The following POM121L2 variants were observed in gnomAD, a reference collection of about 807,000 sequenced individuals.
POM121L2 encodes the protein POM121-like protein 2.
For missense variants in POM121L2, 1,167 were observed against 1,260.3 expected (o/e 0.93, Z 1.12); for synonymous variants, 459 against 483.8 (o/e 0.95, Z 0.67).
chr6:27,310,820 G>T lies in POM121L2; in HGVS notation c.1351C>A (p.Leu451Ile). ...PTPPGCSQSELLPGTSPDSKP... is the reference protein window; with the variant it reads ...PTPPGCSQSEILPGTSPDSKP... ...GAGTCTGGAGAGGTGCCTGGAAGGA[G>T]CTCTGACTGTGAGCACCCAGGTGGG... Residue 451 changes from leucine (L) to isoleucine (I), a missense_variant, in exon 1 of 1, where the codon CTC (leucine) becomes ATC (isoleucine). Leu to Ile is a conservative substitution (Grantham distance 5). Coordinates refer to ENST00000444565, the MANE Select transcript of POM121L2 (RefSeq NM_033482.4). 4.5e-6 allele frequency: 7 copies of T among 1,551,736 alleles called. No homozygotes were observed. The highest frequency in any genetic ancestry group is 6.1e-6 in the Non-Finnish European group (7 of 1,146,994).
At position 27,309,631 on chromosome 6, in the gene POM121L2, C is replaced by A. The variant is rs1421349446; in HGVS notation, c.2540G>T (p.Gly847Val). The change falls in exon 1 of 1, where the codon GGC (glycine) becomes GTC (valine). Residue 847 changes from glycine to valine, a missense_variant. Gly to Val is a moderately radical substitution (Grantham distance 109, BLOSUM62 -3). Transcript: ENST00000444565. ...AAAACCTGCTGGAATGCCGCCAATG[C>A]CTGACCAGGTGCTGGCAGGGGTTTG... ...TSQTPASTWS[G>V]IGGIPAGFPI... The A allele has an allele frequency of 6.4e-7, 1 of 1,551,776 alleles. No homozygotes were observed. Among genetic ancestry groups the A allele is most frequent in the South Asian group, 1.2e-5 (1 of 84,060 alleles).
Position 27,311,883 on chromosome 6 carries a change from C to G in POM121L2, c.288G>C (p.Trp96Cys). Residue 96 changes from tryptophan to cysteine, a missense_variant, in exon 1 of 1, where the codon TGG becomes TGC. By Grantham distance (215) the Trp-to-Cys change is radical (BLOSUM62 -2). Coordinates refer to ENST00000444565, the MANE Select transcript of POM121L2 (RefSeq NM_033482.4). ...NSPLGPLPSD[W>C]WESYLKRTIW... ...TAGTCCGCTTTAAGTAACTTTCCCA[C>G]CAGTCTGAAGGGAGAGGCCCCAGGG... is the stretch of plus-strand genomic sequence containing the variant. 1 of 1,551,760 alleles carries G rather than the reference C, an allele frequency of 6.4e-7. No individual in the cohort carries two copies. The highest frequency in any genetic ancestry group is 1.2e-5 in the South Asian group (1 of 84,066).
Position 27,309,384 on chromosome 6 carries a change from A to T in POM121L2, c.2787T>A (p.Thr929=). 1 of 1,551,638 alleles carries T rather than the reference A, an allele frequency of 6.4e-7. No homozygotes were observed. Among genetic ancestry groups the T allele is most frequent in the South Asian group, 1.2e-5 (1 of 84,046 alleles). Residue 929 remains threonine (T), a synonymous_variant, in exon 1 of 1, where the codon ACT becomes ACA. Transcript: ENST00000444565. ...FSIGALPSGT[T]NTMIPFGKGW... Reference sequence around the variant, plus strand: ...CTTTTCCAAAGGGGATCATGGTGTTAGTGGTCCCACTAGGCAATGCTCCAA... The same window carrying T: ...CTTTTCCAAAGGGGATCATGGTGTTTGTGGTCCCACTAGGCAATGCTCCAA...
At position 27,310,991 on chromosome 6, in the gene POM121L2, C is replaced by T. The variant is rs1204645664; in HGVS notation, c.1180G>A (p.Glu394Lys). ...PSLSLALPSS[E>K]TDLTQGANPQ... ...TTTGCTCCCTGGGTTAGATCTGTTTCTGAAGAAGGCAGAGCAAGAGACAAG... is the reference window on the plus strand; with the variant it reads ...TTTGCTCCCTGGGTTAGATCTGTTTTTGAAGAAGGCAGAGCAAGAGACAAG... Residue 394 changes from glutamate (E) to lysine (K), a missense_variant, in exon 1 of 1, where the codon GAA becomes AAA. Coordinates refer to ENST00000444565, the MANE Select transcript of POM121L2 (RefSeq NM_033482.4). 2.6e-6 allele frequency: 4 copies of T among 1,551,714 alleles called. No individual in the cohort carries two copies. In the African/African-American group the frequency reaches 4.1e-5, roughly 16 times the overall value.
Position 27,312,111 on chromosome 6 carries a change from G to A in POM121L2, c.60C>T (p.Thr20=), listed in dbSNP as rs560846739. 5.3e-5 allele frequency: 78 copies of A among 1,473,146 alleles called. No individual in the cohort carries two copies. Among genetic ancestry groups the A allele is most frequent in the Admixed American group, 7.6e-5 (3 of 39,282 alleles). 91.3% of individuals were successfully genotyped at this position (1,473,146 alleles called of 1,614,324 possible). The change falls in exon 1 of 1, where the codon ACC becomes ACT. Residue 20 remains threonine (T), a synonymous_variant. Transcript: ENST00000444565. The surrounding 1 kb of genome is among the most constrained non-coding windows in gnomAD (Gnocchi z 6.7). ...GTTTCGTGGGCCTCTCGGGCAAGTC[G>A]GTGCGCACCTGGGCTGGGGACGAGG... The part of the protein sequence containing the change: ...LSPSSPAQVR[T]DLPERPTKRR...
Position 27,310,670 on chromosome 6 carries a change from G to A in POM121L2, c.1501C>T (p.Pro501Ser), listed in dbSNP as rs967149428. ...RSPMPPDPPA[P>S]PTIQSTLLGM... ...AGCAAAGTACTTTGGATGGTGGGTG[G>A]TGCAGGTGGGTCTGGGGGCATGGGA... The change falls in exon 1 of 1, where the codon CCA becomes TCA. Residue 501 changes from proline to serine, a missense_variant. Physicochemically the swap from Pro to Ser is moderately conservative, Grantham distance 74. Coordinates refer to ENST00000444565, the MANE Select transcript of POM121L2 (RefSeq NM_033482.4). 2 of 1,551,834 alleles carry A rather than the reference G, an allele frequency of 1.3e-6. No individual in the cohort carries two copies. The highest frequency in any genetic ancestry group is 2.7e-5 in the African/African-American group (2 of 73,038).
Position 27,309,747 on chromosome 6 carries a change from C to G in POM121L2, c.2424G>C (p.Leu808Phe). The G allele has an allele frequency of 1.9e-6, 3 of 1,551,670 alleles. No homozygotes were observed. The highest frequency in any genetic ancestry group is 2.6e-6 in the Non-Finnish European group (3 of 1,146,988). The change falls in exon 1 of 1, where the codon TTG (leucine) becomes TTC (phenylalanine). Residue 808 changes from leucine (L) to phenylalanine (F), a missense_variant. Coordinates refer to ENST00000444565, the MANE Select transcript of POM121L2 (RefSeq NM_033482.4). ...GAGCTGGAGTTGGCATGGGGGTTGGCAATGCCACTGCTGAGCTCCCAAAAA... is the reference window on the plus strand; with the variant it reads ...GAGCTGGAGTTGGCATGGGGGTTGGGAATGCCACTGCTGAGCTCCCAAAAA... ...SFLFGSSAVA[L>F]PTPMPTPAQP...
chr6:27,311,316 T>C lies in POM121L2; in HGVS notation c.855A>G (p.Pro285=), dbSNP rs61736096. 19,796 of 1,551,648 alleles carry C rather than the reference T, an allele frequency of 0.013. 148 individuals carry two copies. The highest frequency in any genetic ancestry group is 0.015 in the Non-Finnish European group (16,689 of 1,147,018). Residue 285 remains proline (P), a synonymous_variant, in exon 1 of 1, where the codon CCA becomes CCG. Coordinates refer to ENST00000444565, the MANE Select transcript of POM121L2 (RefSeq NM_033482.4). ...GATGACAACTTTTTTCCTTTTTTATTGGCCACTCTGGTGTCTCGAATGATA... is the reference window on the plus strand; with the variant it reads ...GATGACAACTTTTTTCCTTTTTTATCGGCCACTCTGGTGTCTCGAATGATA... ...PSVSFETPEW[P]IKKEKSCHRP...
In POM121L2 at chr6:27,310,276, G is replaced by T; in HGVS notation, c.1895C>A (p.Ser632Tyr). The change falls in exon 1 of 1, where the codon TCT becomes TAT. Residue 632 changes from serine (S) to tyrosine (Y), a missense_variant. Coordinates refer to ENST00000444565, the MANE Select transcript of POM121L2 (RefSeq NM_033482.4). Reference sequence around the variant, plus strand: ...AGGTGGCTTAAAAACAGAGTCTTTAGATGTGCTGGCTAGGGTGGTGGACAT... The same window carrying T: ...AGGTGGCTTAAAAACAGAGTCTTTATATGTGCTGGCTAGGGTGGTGGACAT... ...VVMSTTLASTSKDSVFKPPLD... is the reference protein window; with the variant it reads ...VVMSTTLASTYKDSVFKPPLD... 1 of 1,552,392 alleles carries T rather than the reference G, an allele frequency of 6.4e-7. No homozygotes were observed. Among genetic ancestry groups the T allele is most frequent in the Non-Finnish European group, 8.7e-7 (1 of 1,147,142 alleles).
chr6:27,309,873 T>C lies in POM121L2; in HGVS notation c.2298A>G (p.Leu766=). 6.4e-7 allele frequency: 1 copy of C among 1,551,694 alleles called. No individual in the cohort carries two copies. The highest frequency in any genetic ancestry group is 1.2e-5 in the South Asian group (1 of 84,064). ...CAGGCTGGGGATTAGCTCCTTGGGATAGTGGGAAAGGTGGCCTTGAGCTTG... is the reference window on the plus strand; with the variant it reads ...CAGGCTGGGGATTAGCTCCTTGGGACAGTGGGAAAGGTGGCCTTGAGCTTG... ...LGSSSRPPFP[L]SQGANPQPAF... Residue 766 remains leucine, a synonymous_variant, in exon 1 of 1, where the codon CTA becomes CTG. Transcript: ENST00000444565.
Position 27,311,591 on chromosome 6 carries a change from A to G in POM121L2, c.580T>C (p.Ser194Pro). 1 of 1,551,736 alleles carries G rather than the reference A, an allele frequency of 6.4e-7. No individual in the cohort carries two copies. Residue 194 changes from serine to proline, a missense_variant, in exon 1 of 1, where the codon TCG (serine) becomes CCG (proline). Transcript: ENST00000444565. ...SKRRSPETRP[S>P]AFKPLMKNGT... is the part of the protein sequence containing the mutation. Reference sequence around the variant, plus strand: ...TTTTTCATCAGGGGCTTAAATGCCGATGGTCTGGTCTCTGGACTCCTTCTC... The same window carrying G: ...TTTTTCATCAGGGGCTTAAATGCCGGTGGTCTGGTCTCTGGACTCCTTCTC...
chr6:27,309,107 G>T lies in POM121L2; in HGVS notation c.3064C>A (p.Arg1022=), dbSNP rs537319522. The T allele has an allele frequency of 6.4e-7, 1 of 1,551,830 alleles. No individual in the cohort carries two copies. The highest frequency in any genetic ancestry group is 2.4e-5 in the East Asian group (1 of 40,916). The change falls in exon 1 of 1, where the codon CGG becomes AGG. Residue 1022 remains arginine, a synonymous_variant. Transcript: ENST00000444565. ...TGCCTTCGGGAATGCCCTTTCTCCC[G>T]ATTCTTTGGGGTTTTTGATTTTGCG... ...IGAKSKTPKN[R]EKGHSRRHHA... is the part of the protein sequence containing the mutation.
intron 1 of POM121L2, chr6:27,309,670 G>C (rs1760716966): frequency 6.4e-7 from 1 of 1,551,742 alleles, no homozygotes; most frequent in East Asian, 2.4e-5. Context: ...GGTGGAGGCT[G>C]AGGGTGTCAA....
Position 27,309,685 on chromosome 6 carries a change from C to A in POM121L2, c.2486G>T (p.Gly829Val). The A allele has an allele frequency of 1.9e-6, 3 of 1,551,680 alleles. No homozygotes were observed. The highest frequency in any genetic ancestry group is 2.6e-6 in the Non-Finnish European group (3 of 1,147,010). ...GGTGGAGGCTGAGGGTGTCAAACAC[C>A]CCAAGGCTGACTGTGTGGTACTAAT... ...AFISTTQSAL[G>V]CLTPSASTSQ... The change falls in exon 1 of 1, where the codon GGG becomes GTG. Residue 829 changes from glycine to valine, a missense_variant. Transcript: ENST00000444565.
In POM121L2 at chr6:27,311,476, G is replaced by C. The variant is rs975482457; in HGVS notation, c.695C>G (p.Pro232Arg). The change falls in exon 1 of 1, where the codon CCC becomes CGC. Residue 232 changes from proline to arginine, a missense_variant. By Grantham distance (103) the Pro-to-Arg change is moderately radical. Coordinates refer to ENST00000444565, the MANE Select transcript of POM121L2 (RefSeq NM_033482.4). ...WGSDHSLTKR[P>R]NCSSMSSLAS... is the part of the protein sequence containing the mutation. ...CAAGGAGCTCATGGAGGAGCAATTG[G>C]GCCTCTTAGTCAAGCTGTGATCTGA... is the stretch of plus-strand genomic sequence containing the variant. 6 of 1,551,790 alleles carry C rather than the reference G, an allele frequency of 3.9e-6. No individual in the cohort carries two copies. Among genetic ancestry groups the C allele is most frequent in the Non-Finnish European group, 3.5e-6 (4 of 1,147,018 alleles).
chr6:27,310,912 G>T lies in POM121L2; in HGVS notation c.1259C>A (p.Ser420Tyr). The change falls in exon 1 of 1, where the codon TCT (serine) becomes TAT (tyrosine). Residue 420 changes from serine to tyrosine, a missense_variant. By Grantham distance (144) the Ser-to-Tyr change is moderately radical. Coordinates refer to ENST00000444565, the MANE Select transcript of POM121L2 (RefSeq NM_033482.4). ...GGTTGCCTCTCCCGTGGACTGTGGAGAGGCCAGTGGACCTAGAGACTTCTG... is the reference window on the plus strand; with the variant it reads ...GGTTGCCTCTCCCGTGGACTGTGGATAGGCCAGTGGACCTAGAGACTTCTG... ...KMQKSLGPLASPQSTGEATSV... is the reference protein window; with the variant it reads ...KMQKSLGPLAYPQSTGEATSV... 6.4e-7 allele frequency: 1 copy of T among 1,551,906 alleles called. No individual in the cohort carries two copies. The highest frequency in any genetic ancestry group is 8.7e-7 in the Non-Finnish European group (1 of 1,147,028).
rs749510399 is a variant in POM121L2, at chr6:27,310,887, G to T, written c.1284C>A (p.Thr428=). 4.1e-5 allele frequency: 63 copies of T among 1,551,678 alleles called. No individual in the cohort carries two copies. In the Middle Eastern group the frequency reaches 6.7e-4, roughly 16 times the overall value. ...LASPQSTGEA[T]SVAHSPLKTP... ...TCTTCAAAGGAGAATGGGCCACACTGGTTGCCTCTCCCGTGGACTGTGGAG... is the reference window on the plus strand; with the variant it reads ...TCTTCAAAGGAGAATGGGCCACACTTGTTGCCTCTCCCGTGGACTGTGGAG... Residue 428 remains threonine (T), a synonymous_variant, in exon 1 of 1, where the codon ACC becomes ACA. Transcript: ENST00000444565.
rs1462616844 is a variant in POM121L2, at chr6:27,311,851, G to C, written c.320C>G (p.Ser107Cys). ...WESYLKRTIWSLRHPRPIWSP... is the reference protein window; with the variant it reads ...WESYLKRTIWCLRHPRPIWSP... ...CCAAATTGGCCTGGGATGTCGAAGA[G>C]ACCAAATAGTCCGCTTTAAGTAACT... Residue 107 changes from serine (S) to cysteine (C), a missense_variant, in exon 1 of 1, where the codon TCT becomes TGT. Ser to Cys is a moderately radical substitution (Grantham distance 112, BLOSUM62 -1). Coordinates refer to ENST00000444565, the MANE Select transcript of POM121L2 (RefSeq NM_033482.4). 2 of 1,551,772 alleles carry C rather than the reference G, an allele frequency of 1.3e-6. No individual in the cohort carries two copies. Among genetic ancestry groups the C allele is most frequent in the Admixed American group, 2.0e-5 (1 of 51,016 alleles).
chr6:27,309,509 G>A lies in POM121L2; in HGVS notation c.2662C>T (p.Pro888Ser). The change falls in exon 1 of 1, where the codon CCT becomes TCT. Residue 888 changes from proline to serine, a missense_variant. Physicochemically the swap from Pro to Ser is moderately conservative, Grantham distance 74. Transcript: ENST00000444565. Reference protein sequence around the residue: ...GSVFGSRAPQPFTFGGFVTPM... With the variant: ...GSVFGSRAPQSFTFGGFVTPM... ...GTCACGAATCCCCCAAAAGTGAAAG[G>A]TTGTGGAGCTCTGCTGCCAAACACT... is the stretch of plus-strand genomic sequence containing the variant. 1 of 1,552,038 alleles carries A rather than the reference G, an allele frequency of 6.4e-7. No homozygotes were observed. Among genetic ancestry groups the A allele is most frequent in the South Asian group, 1.2e-5 (1 of 84,068 alleles).
Sources: allele counts gnomAD v4.1 joint callset, GRCh38; gene constraint gnomAD v4.1.1; non-coding constraint Gnocchi (gnomAD v3.1); transcripts MANE v1.5; gene names NCBI Gene and HGNC (gene_info 2026-07-23, HGNC 2026-07-21).